TANC2: variants seen among roughly 807,000 people sequenced by gnomAD.
TANC2 encodes tetratricopeptide repeat, ankyrin repeat and coiled-coil containing 2.
A neutral mutation model predicts 210.5 loss-of-function variants in TANC2; 26 were observed. The observed-to-expected ratio is 0.12, with a 90% CI of 0.09 to 0.17. The LOEUF (loss-of-function observed/expected upper bound fraction) is 0.17. Ranked by LOEUF, TANC2 falls within the 10% of genes least tolerant of loss-of-function variation. TANC2 has a pLI of 1.00. For missense variants in TANC2, 2,129 were observed against 2,608.9 expected, an observed-to-expected ratio of 0.82 and a Z score of 4.01; for synonymous variants, 931 against 967.1, an observed-to-expected ratio of 0.96 and a Z score of 0.69.
At chr17:63,009,804 A>G (rs975894430) in intron 2 of TANC2, among the ~76,000 whole-genome samples, 178 bp downstream of exon 2, 3 of 152,216 alleles carry the variant, frequency 2.0e-5, no homozygotes, top group African/African-American at 7.2e-5. Context: ...AATGCGTATC[A>G]GGAATAGTCG....
At chr17:63,091,162 C>T (rs1020187944) in intron 3 of TANC2, among the ~76,000 whole-genome samples, 1 of 151,732 alleles carries the variant, frequency 6.6e-6, no homozygotes, top group Non-Finnish European at 1.5e-5. Context: ...CTGTAGGTTG[C>T]CTGTTCACTC....
intron 11 of TANC2, among the ~76,000 whole-genome samples, chr17:63,339,504 CTCCTT>C (rs1016913724): frequency 2.8e-4 from 43 of 152,338 alleles, no homozygotes; most frequent in Admixed American, 9.2e-4. Flanking sequence ...AAAAATCTCA[CTCCTT>C]TCCTTCTTCC....
At chr17:63,281,229 C>T (rs2044048129) in intron 9 of TANC2, among the ~76,000 whole-genome samples, 1 of 152,122 alleles carries the variant, frequency 6.6e-6, no homozygotes, top group Non-Finnish European at 1.5e-5. Flanking sequence ...CTTAAGGACT[C>T]TTTCCAATCT....
chr17:62,994,818 A>G (rs1051644657), intron 1 of TANC2, among the ~76,000 whole-genome samples: 3 of 152,198 alleles, frequency 2.0e-5, no homozygotes, highest in Non-Finnish European at 2.9e-5. Context: ...GAGTACTGCC[A>G]TCTGTCTTTT....
chr17:63,180,509 G>T (rs931492225), intron 5 of TANC2, among the ~76,000 whole-genome samples: 8 of 152,150 alleles, frequency 5.3e-5, no homozygotes, highest in Non-Finnish European at 2.9e-5. Flanking sequence ...GATGAATGAT[G>T]TATAGGCAGA....
At chr17:63,330,953 G>A (rs2146711562) in intron 11 of TANC2, among the ~76,000 whole-genome samples, 2 of 152,300 alleles carry the variant, frequency 1.3e-5, no homozygotes, top group South Asian at 4.1e-4. Context: ...GCGCATGCCT[G>A]TAATCCCAGC....
At chr17:63,271,596 G>T (rs1451223672) in intron 9 of TANC2, among the ~76,000 whole-genome samples, 3 of 151,406 alleles carry the variant, frequency 2.0e-5, no homozygotes, top group African/African-American at 2.4e-5. Context: ...TCCTAATGCT[G>T]TTCCCACCCT....
chr17:63,030,605 C>T (rs2034731744), intron 2 of TANC2, among the ~76,000 whole-genome samples: 1 of 150,662 alleles, frequency 6.6e-6, no homozygotes, highest in Non-Finnish European at 1.5e-5. Flanking sequence ...CCCCGATTCA[C>T]CTCACATCCA....
At chr17:63,001,222 G>A (rs1051146621) in intron 1 of TANC2, among the ~76,000 whole-genome samples, 1 of 152,110 alleles carries the variant, frequency 6.6e-6, no homozygotes, top group Non-Finnish European at 1.5e-5. Context: ...AGTAAGCCTA[G>A]AATATTCTTG....
intron 2 of TANC2, among the ~76,000 whole-genome samples, chr17:63,073,532 G>A (rs1417700564): frequency 6.6e-6 from 1 of 151,936 alleles, no homozygotes; most frequent in Non-Finnish European, 1.5e-5. Flanking sequence ...TCTTATTATA[G>A]TAAAACAGTA....
intron 2 of TANC2, among the ~76,000 whole-genome samples, chr17:63,025,275 A>G (rs2034502768): frequency 6.6e-6 from 1 of 152,090 alleles, no homozygotes; most frequent in Admixed American, 6.5e-5. Flanking sequence ...ATTTACTGAA[A>G]ATGTTAGGGA....
At chr17:63,331,835 A>AG (rs547929615) in intron 11 of TANC2, 14 of 151,388 alleles carry the variant, frequency 9.2e-5, no homozygotes, top group Non-Finnish European at 1.8e-4. Context: ...GTAAGATAAG[A>AG]GTGTGTGTGT....
At chr17:63,245,054 A>G (rs1018405839) in intron 8 of TANC2, among the ~76,000 whole-genome samples, 1 of 152,162 alleles carries the variant, frequency 6.6e-6, no homozygotes, top group Non-Finnish European at 1.5e-5. Flanking sequence ...ATGGACTAAT[A>G]ACAGTCTCCA....
At chr17:63,204,169 A>G (rs1477968837) in intron 7 of TANC2, among the ~76,000 whole-genome samples, 1 of 151,692 alleles carries the variant, frequency 6.6e-6, no homozygotes, top group East Asian at 1.9e-4. Context: ...TCAACACCAA[A>G]ACAAGTTGTA....
intron 5 of TANC2, among the ~76,000 whole-genome samples, chr17:63,191,889 A>C (rs918539914): frequency 6.6e-6 from 1 of 152,190 alleles, no homozygotes; most frequent in Non-Finnish European, 1.5e-5. Flanking sequence ...AAGTGCCTCT[A>C]CTGTTTCTAC....
intron 1 of TANC2, among the ~76,000 whole-genome samples, chr17:63,007,313 G>A (rs2033666652): frequency 6.6e-6 from 1 of 152,102 alleles, no homozygotes; most frequent in African/African-American, 2.4e-5. Flanking sequence ...AATGCATATT[G>A]CCTTAAGTCT....
At chr17:63,088,917 C>T (rs993322625) in intron 3 of TANC2, 1 of 152,164 alleles carries the variant, frequency 6.6e-6, no homozygotes, top group Admixed American at 6.6e-5. Context: ...TCTATGATTT[C>T]TGTCTCCTGC....
Position 63,412,745 on chromosome 17 carries a change from G to A in TANC2, c.3928+36G>A, listed in dbSNP as rs1175458944. The A allele has an allele frequency of 6.5e-7, 1 of 1,534,762 alleles. No individual in the cohort carries two copies. The highest frequency in any genetic ancestry group is 2.4e-5 in the East Asian group (1 of 40,846). On this transcript the variant is annotated intron_variant, in intron 24 of 27. Transcript: ENST00000689528. The surrounding 1 kb of genome is among the most constrained non-coding windows in gnomAD (Gnocchi z 4.2). ...CCGCTGTCAGCATCAGGCGTGGTCTGATGGCTTGGTCAGCTTTGCCTTCTC... is the reference window on the plus strand; with the variant it reads ...CCGCTGTCAGCATCAGGCGTGGTCTAATGGCTTGGTCAGCTTTGCCTTCTC...
At chr17:63,253,948 C>T (rs919674122) in intron 8 of TANC2, among the ~76,000 whole-genome samples, 6 of 151,980 alleles carry the variant, frequency 3.9e-5, no homozygotes, top group Non-Finnish European at 7.4e-5. Context: ...GTGCCTGCTG[C>T]TTGGGATGGC....
Sources: allele counts gnomAD v4.1 joint callset (sites outside exome capture counted in the v4.1 genomes callset), GRCh38; gene constraint gnomAD v4.1.1; non-coding constraint Gnocchi (gnomAD v3.1); transcripts MANE v1.5; gene names NCBI Gene and HGNC (gene_info 2026-07-23, HGNC 2026-07-21).